The following TBC1D9 variants were observed in gnomAD, a reference collection of about 807,000 sequenced individuals.
TBC1D9 encodes TBC1 domain family member 9.
Under a neutral mutation model 132.0 loss-of-function variants are expected in TBC1D9, and 63 were observed. The ratio of observed to expected loss-of-function variants is 0.48; its 90% CI spans 0.39 to 0.59. TBC1D9 has a LOEUF of 0.59. Ranked by LOEUF, TBC1D9 falls within the 20% of genes least tolerant of loss-of-function variation. The pLI, the probability that TBC1D9 is intolerant of heterozygous loss-of-function variation, is 0.00. For missense variants in TBC1D9, 1,261 were observed against 1,592.7 expected, an observed-to-expected ratio of 0.79 and a Z score of 3.54; for synonymous variants, 610 against 609.9, an observed-to-expected ratio of 1.00 and a Z score of 0.00.
chr4:140,730,459 C>T (rs562704228), intron 1 of TBC1D9, among the ~76,000 whole-genome samples: 1 of 152,306 alleles, frequency 6.6e-6, no homozygotes, highest in East Asian at 1.9e-4. Context: ...CATGGTGACT[C>T]ATGCCTGTGA....
intron 18 of TBC1D9, 48 bp downstream of exon 18, chr4:140,627,393 G>T (rs373677386): frequency 1.2e-4 from 141 of 1,207,940 alleles, no homozygotes; most frequent in Non-Finnish European, 1.4e-4. Context: ...ATAATGGAGG[G>T]CTCGGTAGAA....
chr4:140,752,033 T>A (rs770197857), intron 1 of TBC1D9, among the ~76,000 whole-genome samples: 1 of 152,154 alleles, frequency 6.6e-6, no homozygotes, highest in Admixed American at 6.5e-5. Context: ...CTGAAATTGA[T>A]AATACATTAT....
Position 140,755,931 on chromosome 4 carries a change from C to G in TBC1D9, c.115G>C (p.Gly39Arg), listed in dbSNP as rs1478630938. 1 of 1,579,274 alleles carries G rather than the reference C, an allele frequency of 6.3e-7. No homozygotes were observed. Among genetic ancestry groups the G allele is most frequent in the Admixed American group, 1.8e-5 (1 of 55,708 alleles). ...CGGTCCTTACCCGCCAGTCCGCCGC[C>G]GCCGCCTCCATCGCCGGCGTGGCCC... ...RKGHAGDGGG[G>R]GGLAGLLVGT... is the part of the protein sequence containing the mutation. Residue 39 changes from glycine to arginine, a missense_variant, in exon 1 of 21, where the codon GGC becomes CGC. Gly to Arg is a moderately radical substitution (Grantham distance 125). Transcript: ENST00000442267.
At position 140,622,579 on chromosome 4, in the gene TBC1D9, C is replaced by A. The variant is rs753629242; in HGVS notation, c.3417G>T (p.Ser1139=). 6.2e-7 allele frequency: 1 copy of A among 1,613,988 alleles called. No individual in the cohort carries two copies. Among genetic ancestry groups the A allele is most frequent in the African/African-American group, 1.3e-5 (1 of 75,072 alleles). ...AGGAGCAGGCCCCGTTGTCCCGGGG[C>A]GAGGAGTCCTCCAGCTTGATGTCCT... ...QMEDIKLEDS[S]PRDNGACSSM... is the part of the protein sequence containing the mutation. Residue 1139 remains serine, a synonymous_variant, in exon 21 of 21, where the codon TCG becomes TCT. Transcript: ENST00000442267.
At chr4:140,718,637 T>A (rs546859497) in intron 1 of TBC1D9, among the ~76,000 whole-genome samples, 84 of 152,318 alleles carry the variant, frequency 5.5e-4, no homozygotes, top group African/African-American at 2.0e-3. Context: ...GGGAAACCCC[T>A]AGAAAAACTA....
intron 1 of TBC1D9, among the ~76,000 whole-genome samples, chr4:140,748,385 T>C (rs887090883): frequency 6.6e-6 from 1 of 152,074 alleles, no homozygotes; most frequent in Non-Finnish European, 1.5e-5. Context: ...AACATACATG[T>C]AATTGGAGTG....
Position 140,669,063 on chromosome 4 carries a change from T to C in TBC1D9, c.1442A>G (p.Lys481Arg), listed in dbSNP as rs777581615. The C allele has an allele frequency of 7.4e-6, 12 of 1,613,916 alleles. No homozygotes were observed. In the East Asian group the frequency reaches 2.7e-4, roughly 36 times the overall value. Residue 481 changes from lysine (K) to arginine (R), a missense_variant, in exon 9 of 21, where the codon AAA (lysine) becomes AGA (arginine). Lys to Arg is a conservative substitution (Grantham distance 26, BLOSUM62 2). This residue lies in a region of TBC1D9 where 550 missense variants were observed against 699.0 expected (regional missense o/e 0.79). Coordinates refer to ENST00000442267, the MANE Select transcript of TBC1D9 (RefSeq NM_015130.3). The part of the protein sequence containing the change: ...SPEEFNPKLA[K>R]EFLKEQAWKI... ...CCAGGCTTGCTCTTTCAGAAACTCTTTGGCCTGAAAGGGATAATGAAACAT... is the reference window on the plus strand; with the variant it reads ...CCAGGCTTGCTCTTTCAGAAACTCTCTGGCCTGAAAGGGATAATGAAACAT...
At chr4:140,634,271 G>A in intron 15 of TBC1D9, 83 bp from the exon 16 acceptor site, 1 of 1,542,332 alleles carries the variant, frequency 6.5e-7, no homozygotes, top group East Asian at 2.2e-5. Flanking sequence ...GTTTGGAAAG[G>A]GCTTTAGGTG....
chr4:140,663,515 T>A (rs1424942470), intron 9 of TBC1D9, among the ~76,000 whole-genome samples: 1 of 152,188 alleles, frequency 6.6e-6, no homozygotes, highest in Non-Finnish European at 1.5e-5. Flanking sequence ...AGAGCCACCT[T>A]ATGATCCAGT....
intron 13 of TBC1D9, among the ~76,000 whole-genome samples, chr4:140,654,311 A>C (rs993326644): frequency 6.6e-6 from 1 of 152,170 alleles, no homozygotes; most frequent in Non-Finnish European, 1.5e-5. Context: ...AGTAAAAGAA[A>C]GTAGAGAGAA....
intron 9 of TBC1D9, among the ~76,000 whole-genome samples, chr4:140,664,339 T>C (rs1343672499): frequency 6.6e-6 from 1 of 152,122 alleles, no homozygotes; most frequent in African/African-American, 2.4e-5. Context: ...TAAAAGAAAT[T>C]GACAAAGACT....
rs1480886499 is a variant in TBC1D9 at position 140,670,720 on chromosome 4, CTCA to C, written c.1263_1265del (p.Asp421del). ...ATACTTTCAGGTGTCTCCCACAGAC[CTCA>C]TCATCTGAACTGTTGTAACTTCCTG... On this transcript the variant is annotated inframe_deletion and splice_region_variant, in exon 7 of 21. Coordinates refer to ENST00000442267, the MANE Select transcript of TBC1D9 (RefSeq NM_015130.3). The C allele has an allele frequency of 4.0e-5, 64 of 1,613,054 alleles. No individual in the cohort carries two copies. The highest frequency in any genetic ancestry group is 5.4e-5 in the Non-Finnish European group (64 of 1,179,690).
rs755230264 is a variant in TBC1D9 at position 140,622,191 on chromosome 4, C to A, written c.*4G>T. The A allele has an allele frequency of 8.3e-6, 13 of 1,567,808 alleles. No homozygotes were observed. The highest frequency in any genetic ancestry group is 3.5e-5 in the South Asian group (3 of 86,214). ...CCTCCCACTCCCCCGGGAAGGCGCC[C>A]GTGTCAGCCGGACATGGCCGAGATT... On this transcript the variant is annotated 3_prime_UTR_variant, in exon 21 of 21. Coordinates refer to ENST00000442267, the MANE Select transcript of TBC1D9 (RefSeq NM_015130.3).
At chr4:140,657,446 T>G (rs545309951) in intron 12 of TBC1D9, 81 bp downstream of exon 12, 2 of 1,453,966 alleles carry the variant, frequency 1.4e-6, no homozygotes, top group Admixed American at 4.3e-5. Flanking sequence ...CACCATCAAA[T>G]CAGTTAAGAC....
intron 1 of TBC1D9, among the ~76,000 whole-genome samples, chr4:140,747,735 T>TGG (rs1553975563): frequency 1.3e-5 from 2 of 152,100 alleles, no homozygotes; most frequent in Admixed American, 6.6e-5. Flanking sequence ...AATCCTGGAC[T>TGG]GGGGGGACCA....
At chr4:140,654,475 G>T (rs200505205) in intron 13 of TBC1D9, among the ~76,000 whole-genome samples, 1 of 36,726 alleles carries the variant, frequency 2.7e-5, no homozygotes, top group Non-Finnish European at 7.6e-5. Flanking sequence ...AGAAAGGGGT[G>T]GGGGGGGGTA....
intron 13 of TBC1D9, chr4:140,643,982 C>G: frequency 1.8e-6 from 1 of 562,062 alleles, no homozygotes; most frequent in Non-Finnish European, 3.4e-6. Flanking sequence ...GCGGCTCTTC[C>G]TCCGGGTCCT....
chr4:140,676,911 T>G lies in TBC1D9; in HGVS notation c.1042A>C (p.Ile348Leu). 1 of 1,613,966 alleles carries G rather than the reference T, an allele frequency of 6.2e-7. No homozygotes were observed. The highest frequency in any genetic ancestry group is 8.5e-7 in the Non-Finnish European group (1 of 1,179,858). Residue 348 changes from isoleucine (I) to leucine (L), a missense_variant, in exon 6 of 21, where the codon ATT becomes CTT. Physicochemically the swap from Ile to Leu is conservative, Grantham distance 5. Transcript: ENST00000442267. ...TSKEENLCSL[I>L]IPLREVTIVE... ...ATACTTACCTCACGGAGCGGGATAA[T>G]GAGGCTACATAAGTTCTCCTCCTTG...
intron 16 of TBC1D9, among the ~76,000 whole-genome samples, chr4:140,629,067 G>A (rs898552825): frequency 6.6e-6 from 1 of 152,142 alleles, no homozygotes; most frequent in Non-Finnish European, 1.5e-5. Flanking sequence ...CATAGAATCT[G>A]GGTTGGAAGG....
Sources: allele counts gnomAD v4.1 joint callset (sites outside exome capture counted in the v4.1 genomes callset), GRCh38; gene constraint gnomAD v4.1.1; regional missense constraint gnomAD v4.1.1; transcripts MANE v1.5; gene names NCBI Gene and HGNC (gene_info 2026-07-23, HGNC 2026-07-21).